The following STK32B variants were observed in gnomAD, a reference collection of about 807,000 sequenced individuals.
The protein encoded by STK32B is serine/threonine kinase 32B.
STK32B carries 43 observed loss-of-function variants against 52.6 expected under a neutral mutation model. The ratio of observed to expected loss-of-function variants is 0.82; its 90% CI spans 0.64 to 1.05. The LOEUF (loss-of-function observed/expected upper bound fraction) is 1.05. STK32B is among the 50% of genes least tolerant of loss of function. The pLI is 0.00. For missense variants in STK32B, 621 were observed against 534.6 expected, an observed-to-expected ratio of 1.16 and a Z score of -1.59; for synonymous variants, 238 against 204.3, an observed-to-expected ratio of 1.17 and a Z score of -1.41.
chr4:5,036,659 ATTTTTTTTTTTT>A, the STK32B span, among the ~76,000 whole-genome samples: 100 of 74,238 alleles, frequency 1.3e-3, no homozygotes, highest in Admixed American at 1.7e-3. Context: ...GCAAGGGTGG[ATTTTTTTTTTTT>A]TTTTTTTTTT....
Position 5,463,460 on chromosome 4 carries a change from T to C in STK32B, c.909+3232T>C, listed in dbSNP as rs574951194. 1.7e-3 allele frequency among the ~76,000 whole-genome samples: 238 copies of C among 143,038 alleles called. 2 individuals are homozygous for C. Among genetic ancestry groups the C allele is most frequent in the African/African-American group, 5.9e-3 (230 of 39,266 alleles). 93.8% of individuals were successfully genotyped at this position (143,038 alleles called of 152,430 possible). A position where few individuals can be genotyped will look rare whatever the true frequency, so the allele number is the denominator to read the frequency against. ...CCCTCTCCTGCACACACCCACACAC[T>C]GATGCACACTCACACACTCAGTCAC... is the stretch of plus-strand genomic sequence containing the variant. On this transcript the variant is annotated intron_variant, in intron 9 of 11. Transcript: ENST00000282908.
chr4:5,275,788 C>T (rs887121271), intron 3 of STK32B, among the ~76,000 whole-genome samples: 51 of 152,038 alleles, frequency 3.4e-4, no homozygotes, highest in Non-Finnish European at 7.4e-5. Flanking sequence ...ACACTGAGTA[C>T]TGCTGGTGGT....
intron 3 of STK32B, among the ~76,000 whole-genome samples, chr4:5,172,354 G>A (rs1719454335): frequency 6.6e-6 from 1 of 152,142 alleles, no homozygotes; most frequent in Non-Finnish European, 1.5e-5. Context: ...TGTTGAATAG[G>A]AGTGGTGAGA....
intron 3 of STK32B, among the ~76,000 whole-genome samples, chr4:5,215,763 TAA>T (rs1723146593): frequency 6.6e-6 from 1 of 152,158 alleles, no homozygotes; most frequent in African/African-American, 2.4e-5. Flanking sequence ...GTGGAATCTC[TAA>T]GAGTCTTAGA....
chr4:5,294,796 C>T (rs1222432125), intron 3 of STK32B, among the ~76,000 whole-genome samples: 5 of 152,140 alleles, frequency 3.3e-5, no homozygotes, highest in Non-Finnish European at 7.4e-5. Flanking sequence ...CTGGCCAGAA[C>T]TTTTAATGCT....
chr4:5,067,841 G>A (rs995322016), intron 1 of STK32B, among the ~76,000 whole-genome samples: 1 of 152,194 alleles, frequency 6.6e-6, no homozygotes, highest in African/African-American at 2.4e-5. Flanking sequence ...GGGGAAGCAC[G>A]CACATCTTAC....
At chr4:5,407,234 C>T (rs1229912354) in intron 5 of STK32B, among the ~76,000 whole-genome samples, 1 of 152,156 alleles carries the variant, frequency 6.6e-6, no homozygotes. Context: ...CAATAGGTTC[C>T]TCATCTCCAT....
intron 11 of STK32B, among the ~76,000 whole-genome samples, chr4:5,495,266 TG>T (rs1476281891): frequency 1.3e-5 from 2 of 152,182 alleles, no homozygotes; most frequent in African/African-American, 4.8e-5. Flanking sequence ...TTGGAGGCTT[TG>T]TTCGTTTCTT....
chr4:5,051,431 G>A (rs185615691), upstream of STK32B: 98 of 194,966 alleles, frequency 5.0e-4, 1 homozygote, highest in East Asian at 0.014. Flanking sequence ...CTTCCGCCCT[G>A]CCGCCGCCCA....
chr4:5,160,257 T>G (rs926907386), intron 2 of STK32B, among the ~76,000 whole-genome samples: 3 of 152,162 alleles, frequency 2.0e-5, no homozygotes, highest in African/African-American at 7.2e-5. Flanking sequence ...GAGAGATGGA[T>G]GCTGATCACA....
intron 3 of STK32B, among the ~76,000 whole-genome samples, chr4:5,196,377 C>T (rs1176920219): frequency 7.2e-6 from 1 of 139,508 alleles, no homozygotes; most frequent in Non-Finnish European, 1.5e-5. Context: ...GGGGGCCCAC[C>T]TCATAGTTTT....
At chr4:5,166,584 G>A (rs947985604) in intron 2 of STK32B, among the ~76,000 whole-genome samples, 2 of 151,006 alleles carry the variant, frequency 1.3e-5, no homozygotes, top group African/African-American at 4.9e-5. Context: ...AGCCTAGGAC[G>A]GAAGAGCTGC....
chr4:5,027,065 G>T, the STK32B span, among the ~76,000 whole-genome samples: 3 of 152,150 alleles, frequency 2.0e-5, no homozygotes, highest in African/African-American at 7.2e-5. Context: ...TTGGGGTTGG[G>T]GTAGACTGAA....
At chr4:5,171,102 C>T (rs1719334967) in intron 3 of STK32B, among the ~76,000 whole-genome samples, 1 of 151,978 alleles carries the variant, frequency 6.6e-6, no homozygotes, top group Non-Finnish European at 1.5e-5. Flanking sequence ...GCATAAATGT[C>T]TTCTTTTGAG....
intron 3 of STK32B, among the ~76,000 whole-genome samples, chr4:5,190,176 T>C (rs1043983721): frequency 2.0e-5 from 3 of 152,198 alleles, no homozygotes; most frequent in African/African-American, 7.2e-5. Context: ...ACTGGGATTT[T>C]GACCTCCATA....
chr4:5,148,224 G>A (rs142816668), intron 2 of STK32B, among the ~76,000 whole-genome samples: 70 of 151,792 alleles, frequency 4.6e-4, no homozygotes, highest in African/African-American at 1.6e-3. Flanking sequence ...CTTAATTTTT[G>A]TAGTGTCTGT....
the STK32B span, among the ~76,000 whole-genome samples, chr4:5,044,645 C>T: frequency 5.8e-4 from 88 of 152,322 alleles, 1 homozygote; most frequent in Non-Finnish European, 1.0e-3. Flanking sequence ...CCGGCTCATG[C>T]CTGTCATTTC....
At chr4:5,490,996 T>C (rs1225530344) in intron 11 of STK32B, among the ~76,000 whole-genome samples, 37 of 152,200 alleles carry the variant, frequency 2.4e-4, no homozygotes, top group South Asian at 4.1e-4. Context: ...GGGTTGGTTC[T>C]AAGTCTTTGC....
chr4:5,486,096 C>A (rs576027031), intron 11 of STK32B, among the ~76,000 whole-genome samples: 1 of 152,248 alleles, frequency 6.6e-6, no homozygotes, highest in African/African-American at 2.4e-5. Flanking sequence ...CTGGGAGGAC[C>A]ACTACTTTCG....
Sources: allele counts gnomAD v4.1 joint callset (sites outside exome capture counted in the v4.1 genomes callset), GRCh38; gene constraint gnomAD v4.1.1; transcripts MANE v1.5; gene names NCBI Gene and HGNC (gene_info 2026-07-23, HGNC 2026-07-21).